Variants in CEP126 observed in about 807,000 individuals in gnomAD.
CEP126 encodes centrosomal protein of 126 kDa.
A neutral mutation model predicts 107.8 loss-of-function variants in CEP126; 74 were observed. The observed-to-expected ratio is 0.69, with a 90% CI of 0.57 to 0.83. The LOEUF is 0.83. Among genes scored for constraint, CEP126 ranks in the 40% least tolerant of loss-of-function variants. The pLI is 0.00. For missense variants in CEP126, 1,237 were observed against 1,281.9 expected, an observed-to-expected ratio of 0.96 and a Z score of 0.53; for synonymous variants, 449 against 446.0, an observed-to-expected ratio of 1.01 and a Z score of -0.08.
chr11:101,980,460 C>T (rs1397343012), intron 7 of CEP126, among the ~76,000 whole-genome samples: 1 of 152,156 alleles, frequency 6.6e-6, no homozygotes, highest in East Asian at 1.9e-4. Context: ...TTTTCTGTCT[C>T]TTGCTCTTTT....
At chr11:101,984,340 T>A (rs180874116) in intron 8 of CEP126, among the ~76,000 whole-genome samples, 1 of 152,292 alleles carries the variant, frequency 6.6e-6, no homozygotes, top group African/African-American at 2.4e-5. Context: ...ATGAACAAGG[T>A]AGTGACTGAA....
chr11:101,951,854 T>C (rs1318094774), intron 4 of CEP126, among the ~76,000 whole-genome samples: 1 of 152,168 alleles, frequency 6.6e-6, no homozygotes, highest in Admixed American at 6.5e-5. Flanking sequence ...AGAAATAGAT[T>C]TGAAAGTTAT....
chr11:101,999,200 G>A lies in CEP126; in HGVS notation c.*1557G>A, dbSNP rs928956162. 1 of 151,792 alleles carries A rather than the reference G, an allele frequency of 6.6e-6. No individual in the cohort carries two copies. Among genetic ancestry groups the A allele is most frequent in the Non-Finnish European group, 1.5e-5 (1 of 68,002 alleles). 9.4% of individuals were successfully genotyped at this position (151,792 alleles called of 1,614,324 possible). ...AAGAAAAAATTCTGTGAATTAAGAT[G>A]TAATTTATAAAATAACATTTCAATG... is the stretch of plus-strand genomic sequence containing the variant. On this transcript the variant is annotated 3_prime_UTR_variant, in exon 11 of 11. Coordinates refer to ENST00000263468, the MANE Select transcript of CEP126 (RefSeq NM_020802.4).
intron 2 of CEP126, among the ~76,000 whole-genome samples, chr11:101,929,974 C>CTT (rs60650996): frequency 7.0e-4 from 83 of 118,680 alleles, no homozygotes; most frequent in East Asian, 3.5e-3. Context: ...TTAGTTAGGA[C>CTT]TTTTTTTTTT....
At chr11:101,954,961 AG>A (rs1940864723) in intron 4 of CEP126, among the ~76,000 whole-genome samples, 1 of 152,202 alleles carries the variant, frequency 6.6e-6, no homozygotes, top group Admixed American at 6.5e-5. Context: ...AAATGTGTTA[AG>A]AAATAAAGTA....
intron 4 of CEP126, chr11:101,956,869 A>G (rs1410517345): frequency 2.7e-6 from 1 of 372,032 alleles, no homozygotes; most frequent in South Asian, 2.1e-5. Context: ...GGAAGAAAGT[A>G]GAGAAGAGAA....
chr11:101,943,050 G>C (rs1225172824), intron 2 of CEP126, among the ~76,000 whole-genome samples: 1 of 151,760 alleles, frequency 6.6e-6, no homozygotes, highest in Admixed American at 6.6e-5. Flanking sequence ...ATCTGGACTA[G>C]AGTTAATTTC....
intron 2 of CEP126, among the ~76,000 whole-genome samples, chr11:101,926,475 C>G (rs1940414048): frequency 6.6e-6 from 1 of 152,154 alleles, no homozygotes; most frequent in Non-Finnish European, 1.5e-5. Context: ...CTAAAGAAAT[C>G]AAAGATGCTG....
rs1940743326 is a variant in CEP126 at position 101,946,823 on chromosome 11, C to T, written c.395-1208C>T. Among the ~76,000 whole-genome samples the T allele has an allele frequency of 2.0e-5, 3 of 152,134 alleles. No homozygotes were observed. In the South Asian group the frequency reaches 6.2e-4, roughly 32 times the overall value. On this transcript the variant is annotated intron_variant, in intron 3 of 10. Transcript: ENST00000263468. ...GTCGTAGTAAGCAGAGGTCGCACCA[C>T]TGCACTCCAGCCTGAGCGACAGAGC...
Position 101,962,028 on chromosome 11 carries a change from A to C in CEP126, c.993A>C (p.Leu331Phe), listed in dbSNP as rs1940980801. ...TQNVTAFSDI[L>F]SKSNVLPSWE... Reference sequence around the variant, plus strand: ...ATGTCACAGCTTTCTCAGATATTTTAAGTAAATCTAATGTTCTGCCTTCAT... The same window carrying C: ...ATGTCACAGCTTTCTCAGATATTTTCAGTAAATCTAATGTTCTGCCTTCAT... The change falls in exon 6 of 11, where the codon TTA becomes TTC. Residue 331 changes from leucine to phenylalanine, a missense_variant. Around this residue, in one of 3 missense-constraint regions of CEP126, gnomAD observed 1,134 missense variants for 1,150.5 expected, o/e 0.99. Coordinates refer to ENST00000263468, the MANE Select transcript of CEP126 (RefSeq NM_020802.4). The C allele has an allele frequency of 6.2e-7, 1 of 1,613,114 alleles. No homozygotes were observed. The highest frequency in any genetic ancestry group is 1.3e-5 in the African/African-American group (1 of 74,904).
In CEP126 at chr11:101,958,264, T is replaced by C; in HGVS notation, c.603T>C (p.Asn201=). 1 of 1,613,976 alleles carries C rather than the reference T, an allele frequency of 6.2e-7. No homozygotes were observed. Among genetic ancestry groups the C allele is most frequent in the Non-Finnish European group, 8.5e-7 (1 of 1,179,920 alleles). Residue 201 remains asparagine (N), a synonymous_variant, in exon 5 of 11, where the codon AAT becomes AAC. Coordinates refer to ENST00000263468, the MANE Select transcript of CEP126 (RefSeq NM_020802.4). The stretch of plus-strand genomic sequence containing the variant: ...AAATCAATTGTGAGAAAGAAATGAA[T>C]GAAAACATGAGGGCAACCTTGGCTA... ...LSKINCEKEM[N]ENMRATLATS...
At position 101,958,246 on chromosome 11, in the gene CEP126, T is replaced by C; in HGVS notation, c.585T>C (p.Asn195=). The change falls in exon 5 of 11, where the codon AAT becomes AAC. Residue 195 remains asparagine (N), a synonymous_variant. Coordinates refer to ENST00000263468, the MANE Select transcript of CEP126 (RefSeq NM_020802.4). ...KHQKQLLSKI[N]CEKEMNENMR... The stretch of plus-strand genomic sequence containing the variant: ...AGAAACAACTCTTATCCAAAATCAA[T>C]TGTGAGAAAGAAATGAATGAAAACA... 3 of 1,613,920 alleles carry C rather than the reference T, an allele frequency of 1.9e-6. No individual in the cohort carries two copies. Among genetic ancestry groups the C allele is most frequent in the Non-Finnish European group, 2.5e-6 (3 of 1,179,906 alleles).
intron 9 of CEP126, among the ~76,000 whole-genome samples, chr11:101,991,588 A>G (rs1941383250): frequency 6.6e-6 from 1 of 152,210 alleles, no homozygotes; most frequent in South Asian, 2.1e-4. Context: ...CAGAGAAATG[A>G]AAACTCTTAA....
intron 3 of CEP126, among the ~76,000 whole-genome samples, chr11:101,946,652 G>C (rs959779619): frequency 6.6e-6 from 1 of 152,022 alleles, no homozygotes; most frequent in African/African-American, 2.4e-5. Flanking sequence ...CTGAGGTTGG[G>C]AGTTCGAGAC....
intron 6 of CEP126, among the ~76,000 whole-genome samples, chr11:101,977,630 C>CAAAAAAAA: frequency 1.9e-5 from 1 of 52,628 alleles, no homozygotes; most frequent in Non-Finnish European, 3.9e-5. Context: ...GACTCTGTCT[C>CAAAAAAAA]AAAAAAAAAA....
chr11:101,929,517 C>T (rs1322099710), intron 2 of CEP126, among the ~76,000 whole-genome samples: 4 of 152,102 alleles, frequency 2.6e-5, no homozygotes, highest in African/African-American at 9.7e-5. Context: ...CAGCTTCTCA[C>T]GTGGTCTCCA....
chr11:101,950,755 C>G (rs1221889880), intron 4 of CEP126, among the ~76,000 whole-genome samples: 1 of 152,194 alleles, frequency 6.6e-6, no homozygotes, highest in African/African-American at 2.4e-5. Context: ...AGTGTCGGGA[C>G]TACAGGATGT....
intron 6 of CEP126, among the ~76,000 whole-genome samples, chr11:101,968,971 T>C (rs1321129711): frequency 6.6e-6 from 1 of 152,172 alleles, no homozygotes; most frequent in Non-Finnish European, 1.5e-5. Context: ...AGGGGATACC[T>C]GGAAAATTTA....
chr11:101,931,954 G>T (rs1349201349), intron 2 of CEP126, among the ~76,000 whole-genome samples: 1 of 152,184 alleles, frequency 6.6e-6, no homozygotes, highest in East Asian at 1.9e-4. Flanking sequence ...TTGAGCCAAG[G>T]TGCTCTACAT....
Sources: gnomAD v4.1 joint callset for allele counts (sites outside exome capture counted in the v4.1 genomes callset) on GRCh38, gnomAD v4.1.1 for gene constraint, gnomAD v4.1.1 regional missense constraint, MANE v1.5 for transcripts, NCBI Gene and HGNC (gene_info 2026-07-23, HGNC 2026-07-21) for gene names.